The following XRCC3 variants were observed in gnomAD, a reference collection of about 807,000 sequenced individuals.
The protein encoded by XRCC3 is X-ray repair cross complementing 3.
Under a neutral mutation model 29.2 loss-of-function variants are expected in XRCC3, and 34 were observed. The observed-to-expected ratio is 1.16, with a 90% CI of 0.88 to 1.55. The LOEUF (loss-of-function observed/expected upper bound fraction) is 1.55, where lower values mean the gene tolerates loss of function less well. Among genes scored for constraint, XRCC3 ranks in the 40% most tolerant of loss-of-function variants. XRCC3 has a pLI of 0.00. For synonymous variants in XRCC3, 223 were observed against 211.3 expected (o/e 1.06, Z -0.48); for missense variants, 463 against 467.6 (o/e 0.99, Z 0.09).
chr14:103,698,424 G>A lies in XRCC3; in HGVS notation c.*374C>T, dbSNP rs2082760523. 3.1e-6 allele frequency: 1 copy of A among 325,108 alleles called. No homozygotes were observed. The highest frequency in any genetic ancestry group is 5.9e-6 in the Non-Finnish European group (1 of 168,158). The allele number at this position is 325,108 out of a possible 1,614,324, so 20.1% of individuals were successfully genotyped here. A position where few individuals can be genotyped will look rare whatever the true frequency, so the allele number is the denominator to read the frequency against. ...TCTGAGGCCCCAGCCCAGGGGGCAG[G>A]CCTCAGACGCAACCCCAGTTGGGCT... On this transcript the variant is annotated 3_prime_UTR_variant, in exon 10 of 10. Coordinates refer to ENST00000555055, the MANE Select transcript of XRCC3 (RefSeq NM_005432.4).
chr14:103,699,491 GCCA>G lies in XRCC3; in HGVS notation c.644_646del (p.Val215del). The G allele has an allele frequency of 6.2e-7, 1 of 1,612,644 alleles. No homozygotes were observed. Among genetic ancestry groups the G allele is most frequent in the Non-Finnish European group, 8.5e-7 (1 of 1,179,944 alleles). ...GTCAAATTCACAGCGGAATGGGGCT[GCCA>G]CCGAGTCGATGACCACCAGGCGAGC... On this transcript the variant is annotated inframe_deletion, in exon 8 of 10. Transcript: ENST00000555055.
At position 103,713,996 on chromosome 14, in the gene XRCC3, C is replaced by G. The variant is rs530134979; in HGVS notation, c.-317-1065G>C. 5 of 152,224 alleles carry G rather than the reference C, an allele frequency of 3.3e-5. No individual in the cohort carries two copies. In the East Asian group the frequency reaches 9.6e-4, roughly 29 times the overall value. The allele number at this position is 152,224 out of a possible 1,614,324, so 9.4% of individuals were successfully genotyped here. On this transcript the variant is annotated intron_variant, in intron 1 of 9. Transcript: ENST00000555055. Reference sequence around the variant, plus strand: ...GCTTCTCAGAGAGCTCCCGCTCTCACGCTCTCCACTGCTACCAAGGCAAAC... The same window carrying G: ...GCTTCTCAGAGAGCTCCCGCTCTCAGGCTCTCCACTGCTACCAAGGCAAAC...
At chr14:103,699,293 C>T in intron 8 of XRCC3, 71 bp downstream of exon 8, 1 of 1,545,368 alleles carries the variant, frequency 6.5e-7, no homozygotes, top group South Asian at 1.2e-5. Flanking sequence ...GCCCCACCTC[C>T]AGACCGGCTC....
At chr14:103,712,503 G>A (rs1416059644) in intron 2 of XRCC3, 1 of 152,422 alleles carries the variant, frequency 6.6e-6, no homozygotes, top group Non-Finnish European at 1.5e-5. Context: ...TGCCCGGCTC[G>A]AAAAGAGGTC....
chr14:103,712,320 C>T (rs2083665051), intron 2 of XRCC3: 1 of 154,906 alleles, frequency 6.5e-6, no homozygotes, highest in Non-Finnish European at 1.4e-5. Context: ...GGCGAGAAGC[C>T]ACCCTGGAGG....
chr14:103,699,938 C>G (rs1595632775), intron 7 of XRCC3: 2 of 353,058 alleles, frequency 5.7e-6, no homozygotes, highest in African/African-American at 4.2e-5. Context: ...ACCCTCTCCC[C>G]CTCACAGGTC....
chr14:103,697,843 G>C lies in XRCC3; in HGVS notation c.*955C>G, dbSNP rs186232444. 1.3e-5 allele frequency: 2 copies of C among 152,344 alleles called. No homozygotes were observed. Among genetic ancestry groups the C allele is most frequent in the East Asian group, 3.9e-4 (2 of 5,176 alleles). 9.4% of individuals were successfully genotyped at this position (152,344 alleles called of 1,614,324 possible). A position where few individuals can be genotyped will look rare whatever the true frequency, so the allele number is the denominator to read the frequency against. On this transcript the variant is annotated 3_prime_UTR_variant, in exon 10 of 10. Coordinates refer to ENST00000555055, the MANE Select transcript of XRCC3 (RefSeq NM_005432.4). ...CAGCCAGATGTAAGGCCTGGCCACA[G>C]TGTGGGACTGGGTCTGCACAGTGTG...
At chr14:103,702,364 C>G (rs861534) in intron 7 of XRCC3, 1 of 152,220 alleles carries the variant, frequency 6.6e-6, no homozygotes, top group Admixed American at 6.5e-5. Context: ...TAGTGAGGGC[C>G]GTCTTCCCCT....
intron 7 of XRCC3, among the ~76,000 whole-genome samples, chr14:103,700,918 G>A (rs1215344385): frequency 2.0e-5 from 3 of 152,228 alleles, no homozygotes; most frequent in Non-Finnish European, 2.9e-5. Context: ...GAGTGGGGGG[G>A]TGGGAATGGC....
intron 7 of XRCC3, chr14:103,701,247 C>A: frequency 6.5e-7 from 1 of 1,545,470 alleles, no homozygotes; most frequent in Non-Finnish European, 8.7e-7. Flanking sequence ...CGAGTGTGGC[C>A]CGGAGCTGGC....
chr14:103,711,692 C>T (rs2083635982), intron 2 of XRCC3, 125 bp from the exon 3 acceptor site: 2 of 456,242 alleles, frequency 4.4e-6, no homozygotes, highest in Non-Finnish European at 8.8e-6. Flanking sequence ...GCTGTGGACC[C>T]CACCCAGCCT....
chr14:103,706,443 A>C, intron 6 of XRCC3: 1 of 455,458 alleles, frequency 2.2e-6, no homozygotes, highest in South Asian at 1.6e-5. Context: ...TTTAAAAGTT[A>C]AGGAGCTACT....
chr14:103,710,687 A>C, intron 4 of XRCC3: 1 of 269,824 alleles, frequency 3.7e-6, no homozygotes, highest in Non-Finnish European at 7.2e-6. Context: ...GCTTGCACTG[A>C]GCTGAGATCG....
At chr14:103,700,295 AGAGCTTCCAGGG>A in intron 7 of XRCC3, 1 of 248,050 alleles carries the variant, frequency 4.0e-6, no homozygotes, top group South Asian at 6.5e-5. Flanking sequence ...AGCTCCCAGG[AGAGCTTCCAGGG>A]GAGGACCCCC....
At chr14:103,714,464 C>G (rs2083735276) in intron 1 of XRCC3, among the ~76,000 whole-genome samples, 1 of 145,784 alleles carries the variant, frequency 6.9e-6, no homozygotes, top group South Asian at 2.1e-4. Context: ...CTACTCTCTA[C>G]CGAAAAAAAA....
intron 6 of XRCC3, chr14:103,706,790 T>G (rs2083451392): frequency 1.5e-6 from 1 of 650,448 alleles, no homozygotes; most frequent in African/African-American, 1.8e-5. Flanking sequence ...GTGGGGTTCG[T>G]ACCCTCCCAC....
chr14:103,703,223 G>A lies in XRCC3; in HGVS notation c.511C>T (p.Gln171Ter), dbSNP rs1407786126. 3 of 1,567,918 alleles carry A rather than the reference G, an allele frequency of 1.9e-6. No individual in the cohort carries two copies. The highest frequency in any genetic ancestry group is 1.8e-5 in the Admixed American group (1 of 54,706). Residue 171 changes from glutamine (Q) to a stop codon, truncating the protein, a stop_gained, in exon 7 of 10, where the codon CAG becomes TAG. Transcript: ENST00000555055. LOFTEE classifies it high-confidence loss of function. ...ATCTGGCTGCCAAATCGGAGCTTCT[G>A]AAGCAGCTCTCCTGGAACGTCAGTG... Reference protein sequence around the residue: ...LRTDVPGELLQKLRFGSQIFI... With the variant: ...LRTDVPGELL
At chr14:103,706,921 G>T in intron 6 of XRCC3, 82 bp downstream of exon 6, 1 of 1,444,464 alleles carries the variant, frequency 6.9e-7, no homozygotes, top group Non-Finnish European at 9.4e-7. Flanking sequence ...GGCGGCCACT[G>T]CCCCACCTCA....
chr14:103,699,963 C>T, intron 7 of XRCC3: 1 of 332,062 alleles, frequency 3.0e-6, no homozygotes, highest in East Asian at 7.5e-5. Context: ...GCAACCAGCC[C>T]CCTCCTTCAG....
Sources: allele counts gnomAD v4.1 joint callset (sites outside exome capture counted in the v4.1 genomes callset), GRCh38; gene constraint gnomAD v4.1.1; transcripts MANE v1.5; gene names NCBI Gene and HGNC (gene_info 2026-07-23, HGNC 2026-07-21).